Variants in ZFHX3 observed in about 807,000 individuals in gnomAD.
ZFHX3 encodes the protein zinc finger homeobox 3.
In ZFHX3, 42 loss-of-function variants were observed where a neutral mutation model predicts 279.1. That is an observed-to-expected ratio of 0.15 (90% CI 0.12 to 0.19). The LOEUF is 0.19. Ranked by LOEUF, ZFHX3 falls within the 10% of genes least tolerant of loss-of-function variation. The pLI is 1.00. For missense variants in ZFHX3, 4,981 were observed against 4,754.0 expected (o/e 1.05, Z -1.40); for synonymous variants, 2,293 against 1,957.8 (o/e 1.17, Z -4.52).
At chr16:73,109,337 A>T (rs1317578405) in intron 7 of ZFHX3, among the ~76,000 whole-genome samples, 1 of 152,160 alleles carries the variant, frequency 6.6e-6, no homozygotes, top group Non-Finnish European at 1.5e-5. Context: ...CTTCCATGTC[A>T]TTCTGTTGAA....
intron 3 of ZFHX3, among the ~76,000 whole-genome samples, chr16:73,402,981 C>A (rs753439155): frequency 1.3e-5 from 2 of 152,004 alleles, no homozygotes; most frequent in Non-Finnish European, 2.9e-5. Flanking sequence ...AGAGCTAACA[C>A]CAGGCTGGAC....
intron 3 of ZFHX3, among the ~76,000 whole-genome samples, chr16:72,947,213 C>G (rs1346669518): frequency 6.6e-6 from 1 of 152,208 alleles, no homozygotes; most frequent in East Asian, 1.9e-4. Flanking sequence ...CTGCGGCATT[C>G]CCCTACTCCA....
chr16:73,703,984 T>C (rs967276917), intron 1 of ZFHX3, among the ~76,000 whole-genome samples: 3 of 152,194 alleles, frequency 2.0e-5, no homozygotes, highest in African/African-American at 7.2e-5. Context: ...TCAAATTACT[T>C]AGCAGTGTTA....
chr16:72,812,352 C>G (rs1476330315), intron 5 of ZFHX3, among the ~76,000 whole-genome samples: 25 of 147,130 alleles, frequency 1.7e-4, no homozygotes, highest in Admixed American at 1.7e-3. Context: ...AATCTAGATA[C>G]AATCTGCTGG....
chr16:73,230,522 A>G (rs531475282), intron 5 of ZFHX3, among the ~76,000 whole-genome samples: 2 of 152,318 alleles, frequency 1.3e-5, no homozygotes, highest in East Asian at 3.9e-4. Flanking sequence ...CCTCTTTAGA[A>G]CACCATGCAA....
chr16:73,219,460 G>A (rs1426223869), intron 5 of ZFHX3, among the ~76,000 whole-genome samples: 5 of 152,174 alleles, frequency 3.3e-5, no homozygotes, highest in Non-Finnish European at 1.5e-5. Context: ...ATTAAGGAAT[G>A]GTGCAGGCAG....
At chr16:73,799,190 G>A (rs58270148) in intron 1 of ZFHX3, among the ~76,000 whole-genome samples, 65 of 152,224 alleles carry the variant, frequency 4.3e-4, no homozygotes, top group African/African-American at 1.5e-3. Flanking sequence ...CCACCTCCCC[G>A]ACCCTCAATC....
At chr16:73,593,339 C>T (rs1438066217) in intron 2 of ZFHX3, among the ~76,000 whole-genome samples, 1 of 151,920 alleles carries the variant, frequency 6.6e-6, no homozygotes, top group Non-Finnish European at 1.5e-5. Context: ...TTAGGGAAAA[C>T]ATCAATCAAA....
chr16:73,052,364 T>C (rs1965467997), upstream of ZFHX3, among the ~76,000 whole-genome samples: 1 of 151,956 alleles, frequency 6.6e-6, no homozygotes, highest in Non-Finnish European at 1.5e-5. Context: ...GAAGAATTCA[T>C]TGAGGTTTGC....
intron 7 of ZFHX3, among the ~76,000 whole-genome samples, chr16:73,106,787 A>G (rs539498845): frequency 7.9e-5 from 12 of 152,320 alleles, no homozygotes; most frequent in Admixed American, 5.9e-4. Flanking sequence ...GACAATAATG[A>G]TGGTGCACCT....
rs71388990 is a variant in ZFHX3, at chr16:73,842,841, C to T, written c.-1608+48810G>A. Among the ~76,000 whole-genome samples, 369 of 152,254 alleles carry T rather than the reference C, an allele frequency of 2.4e-3. 3 individuals carry two copies. Among genetic ancestry groups the T allele is most frequent in the African/African-American group, 8.4e-3 (347 of 41,548 alleles). ...GGAGCTGCCCCCTCCCCACCCACCG[C>T]CACCTCCCATGCCCCAGCTCTTATG... On this transcript the variant is annotated intron_variant, in intron 1 of 17. Coordinates refer to the ZFHX3 transcript ENST00000641206.
At chr16:73,320,495 A>G (rs2015554052) in intron 3 of ZFHX3, among the ~76,000 whole-genome samples, 1 of 152,196 alleles carries the variant, frequency 6.6e-6, no homozygotes, top group Non-Finnish European at 1.5e-5. Context: ...AGTGGGGAAG[A>G]TTTCCTTTGG....
intron 2 of ZFHX3, among the ~76,000 whole-genome samples, chr16:73,677,279 A>T (rs1899374717): frequency 6.6e-6 from 1 of 151,984 alleles, no homozygotes; most frequent in South Asian, 2.1e-4. Flanking sequence ...AATTACTCTT[A>T]TAAAAGAATT....
chr16:73,668,435 C>G (rs1458379866), intron 2 of ZFHX3, among the ~76,000 whole-genome samples: 2 of 152,054 alleles, frequency 1.3e-5, no homozygotes, highest in Non-Finnish European at 2.9e-5. Context: ...AGGTATTTCT[C>G]CTAATGCTAT....
intron 2 of ZFHX3, chr16:73,486,651 G>A: frequency 2.7e-6 from 1 of 375,460 alleles, no homozygotes; most frequent in Non-Finnish European, 5.3e-6. Flanking sequence ...TAACTGGATA[G>A]TGCTGGGATT....
In ZFHX3 at chr16:73,751,447, G is replaced by T. The variant is rs113758792; in HGVS notation, c.-1607-71207C>A. On this transcript the variant is annotated intron_variant, in intron 1 of 17. Coordinates refer to the ZFHX3 transcript ENST00000641206. Reference sequence around the variant, plus strand: ...TTTAAAAATATGCATGTATATTCTCGATCATTGGACAACATTGTACCTGGA... The same window carrying T: ...TTTAAAAATATGCATGTATATTCTCTATCATTGGACAACATTGTACCTGGA... Among the ~76,000 whole-genome samples the T allele has an allele frequency of 6.7e-3, 1,014 of 152,136 alleles. 14 individuals carry two copies. The highest frequency in any genetic ancestry group is 0.023 in the African/African-American group (961 of 41,502).
intron 3 of ZFHX3, among the ~76,000 whole-genome samples, chr16:72,898,661 G>T (rs1047723013): frequency 1.3e-5 from 2 of 151,226 alleles, no homozygotes; most frequent in African/African-American, 2.4e-5. Flanking sequence ...CCACAAAGGA[G>T]TGTGGAGCCA....
At chr16:73,487,461 C>A in intron 2 of ZFHX3, 1 of 441,518 alleles carries the variant, frequency 2.3e-6, no homozygotes, top group Non-Finnish European at 4.5e-6. Context: ...GGAGTGCCAG[C>A]ATGATTATGG....
intron 2 of ZFHX3, among the ~76,000 whole-genome samples, chr16:73,602,253 T>C (rs2052126550): frequency 6.6e-6 from 1 of 152,232 alleles, no homozygotes; most frequent in South Asian, 2.1e-4. Context: ...TATTTTATTC[T>C]AAAATGATGT....
Sources: allele counts gnomAD v4.1 joint callset (sites outside exome capture counted in the v4.1 genomes callset), GRCh38; gene constraint gnomAD v4.1.1; transcripts MANE v1.5; gene names NCBI Gene and HGNC (gene_info 2026-07-23, HGNC 2026-07-21).